The following DHRSX variants were observed in gnomAD, a reference collection of about 807,000 sequenced individuals.
The protein encoded by DHRSX is polyprenol dehydrogenase.
In DHRSX, 31 loss-of-function variants were observed where a neutral mutation model predicts 34.0. The ratio of observed to expected loss-of-function variants is 0.91; its 90% CI spans 0.69 to 1.23. DHRSX has a LOEUF of 1.23. Ranked by LOEUF, DHRSX falls within the 50% of genes most tolerant of loss-of-function variation. The pLI, the probability that DHRSX is intolerant of heterozygous loss-of-function variation, is 0.00. For missense variants in DHRSX, 414 were observed against 428.1 expected, an observed-to-expected ratio of 0.97 and a Z score of 0.29; for synonymous variants, 201 against 183.8, an observed-to-expected ratio of 1.09 and a Z score of -0.76.
intron 3 of DHRSX, among the ~76,000 whole-genome samples, chrX:2,398,923 G>T (rs992080826): frequency 6.6e-6 from 1 of 152,038 alleles, no homozygotes; most frequent in African/African-American, 2.4e-5. Context: ...CGCGATCTCG[G>T]CTCACTGCAA....
chrX:2,331,446 T>TGGG (rs1569490019), intron 3 of DHRSX, among the ~76,000 whole-genome samples: 5 of 68,750 alleles, frequency 7.3e-5, no homozygotes, highest in African/African-American at 4.4e-4. Context: ...GTTTTTTTTT[T>TGGG]TTTTTTTTTT....
rs144132829 is a variant in DHRSX at position 2,379,692 on chromosome X, C to A, written c.286+29053G>T. Among the ~76,000 whole-genome samples the A allele has an allele frequency of 2.3e-3, 344 of 147,604 alleles. 1 individual carries two copies. The highest frequency in any genetic ancestry group is 8.3e-3 in the African/African-American group (332 of 40,226). ...TCTATCCAGGAGAGCTCATGAAGGACCCTGTCAGTGTGGGGGGCATCCAAA... is the reference window on the plus strand; with the variant it reads ...TCTATCCAGGAGAGCTCATGAAGGAACCTGTCAGTGTGGGGGGCATCCAAA... On this transcript the variant is annotated intron_variant, in intron 3 of 6. Coordinates refer to ENST00000334651, the MANE Select transcript of DHRSX (RefSeq NM_145177.3).
intron 1 of DHRSX, among the ~76,000 whole-genome samples, chrX:2,477,560 G>T (rs1450142730): frequency 1.3e-5 from 2 of 152,180 alleles, no homozygotes; most frequent in African/African-American, 4.8e-5. Context: ...AGAAAGAAAG[G>T]TGCGGCCAGG....
At chrX:2,349,532 C>T (rs145162259) in intron 3 of DHRSX, among the ~76,000 whole-genome samples, 2,112 of 151,190 alleles carry the variant, frequency 0.014, 20 homozygotes, top group Middle Eastern at 0.027. Flanking sequence ...CTAAGAAGTA[C>T]AAAAATTAGC....
intron 1 of DHRSX, among the ~76,000 whole-genome samples, chrX:2,494,355 A>T (rs1421559301): frequency 6.6e-6 from 1 of 151,980 alleles, no homozygotes; most frequent in African/African-American, 2.4e-5. Context: ...TTAGGCTGAA[A>T]GAGGTTCTAG....
At chrX:2,224,980 ACT>A (rs1371090882) in intron 6 of DHRSX, among the ~76,000 whole-genome samples, 6 of 149,540 alleles carry the variant, frequency 4.0e-5, no homozygotes, top group African/African-American at 1.2e-4. Context: ...TCACATGCAC[ACT>A]AATTCACATG....
intron 5 of DHRSX, 49 bp downstream of exon 5, chrX:2,266,691 C>T (rs766008754): frequency 2.5e-6 from 4 of 1,581,580 alleles, no homozygotes; most frequent in African/African-American, 1.3e-5. Flanking sequence ...GATGAATAAC[C>T]TTTAACCCAC....
chrX:2,398,793 C>T (rs1008541063), intron 3 of DHRSX, among the ~76,000 whole-genome samples: 1 of 151,792 alleles, frequency 6.6e-6, no homozygotes, highest in African/African-American at 2.4e-5. Context: ...CATCAGCCTC[C>T]TGAGTAGCTG....
chrX:2,319,282 C>T lies in DHRSX; in HGVS notation c.287-27679G>A, dbSNP rs184836595. On this transcript the variant is annotated intron_variant, in intron 3 of 6. Transcript: ENST00000334651. ...TACTCCTGCAGAGTGCAGTGACTCACGCCTATAATCCCAGCAGTTTGGGAG... is the reference window on the plus strand; with the variant it reads ...TACTCCTGCAGAGTGCAGTGACTCATGCCTATAATCCCAGCAGTTTGGGAG... Among the ~76,000 whole-genome samples the T allele has an allele frequency of 8.5e-4, 126 of 148,948 alleles. No homozygotes were observed. In the East Asian group the frequency reaches 0.016, roughly 19 times the overall value.
chrX:2,310,625 AAC>A (rs1055661399), intron 3 of DHRSX, among the ~76,000 whole-genome samples: 2 of 151,810 alleles, frequency 1.3e-5, no homozygotes, highest in Admixed American at 6.6e-5. Flanking sequence ...AAAAGAACAA[AAC>A]ACAGAGAAAG....
chrX:2,343,722 T>G (rs964747576), intron 3 of DHRSX, among the ~76,000 whole-genome samples: 11 of 152,252 alleles, frequency 7.2e-5, no homozygotes, highest in Admixed American at 2.0e-4. Flanking sequence ...AGACTTTTTT[T>G]TGTCCACATC....
At position 2,324,046 on chromosome X, in the gene DHRSX, G is replaced by A. The variant is rs762879183; in HGVS notation, c.287-32443C>T. On this transcript the variant is annotated intron_variant, in intron 3 of 6. Transcript: ENST00000334651. Reference sequence around the variant, plus strand: ...CACTCCAGCCTGGGTAACAGATGGAGACCCTGTCTGGAAAAAAAAAAAAAA... The same window carrying A: ...CACTCCAGCCTGGGTAACAGATGGAAACCCTGTCTGGAAAAAAAAAAAAAA... Among the ~76,000 whole-genome samples, 8 of 124,176 alleles carry A rather than the reference G, an allele frequency of 6.4e-5. No homozygotes were observed. In the South Asian group the frequency reaches 2.0e-3, roughly 31 times the overall value. 81.5% of individuals were successfully genotyped at this position (124,176 alleles called of 152,430 possible).
intron 1 of DHRSX, among the ~76,000 whole-genome samples, chrX:2,446,017 T>A (rs2044128611): frequency 1.3e-5 from 2 of 149,144 alleles, no homozygotes; most frequent in Non-Finnish European, 3.0e-5. Flanking sequence ...GGACCGCTGC[T>A]GTGTATTCAC....
At chrX:2,276,654 C>CAG (rs201583452) in intron 4 of DHRSX, among the ~76,000 whole-genome samples, 4,131 of 151,440 alleles carry the variant, frequency 0.027, 185 homozygotes, top group African/African-American at 0.094. Context: ...GTATCCTGAA[C>CAG]GGGAGGAGAA....
intron 3 of DHRSX, among the ~76,000 whole-genome samples, chrX:2,367,470 C>G (rs1212302797): frequency 6.7e-6 from 1 of 148,652 alleles, no homozygotes; most frequent in South Asian, 2.1e-4. Context: ...AAAAAAAGAA[C>G]GATGCTACAT....
intron 3 of DHRSX, among the ~76,000 whole-genome samples, chrX:2,319,239 C>T (rs2042277945): frequency 7.3e-6 from 1 of 137,758 alleles, no homozygotes; most frequent in Non-Finnish European, 1.6e-5. Flanking sequence ...TCTCCTCCTC[C>T]CCTCCCCCTC....
At chrX:2,294,816 G>C (rs2041913015) in intron 3 of DHRSX, among the ~76,000 whole-genome samples, 1 of 151,326 alleles carries the variant, frequency 6.6e-6, no homozygotes, top group African/African-American at 2.4e-5. Flanking sequence ...AGGAAAAAGA[G>C]AGGGAGAGAG....
chrX:2,291,678 G>A lies in DHRSX; in HGVS notation c.287-75C>T, dbSNP rs1289196165. 7 of 1,100,944 alleles carry A rather than the reference G, an allele frequency of 6.4e-6. No individual in the cohort carries two copies. In the African/African-American group the frequency reaches 1.1e-4, roughly 17 times the overall value. 68.2% of individuals were successfully genotyped at this position (1,100,944 alleles called of 1,614,324 possible). ...CAGAGATTAAGAAAATTTCTAAACA[G>A]GTCAAACTCAATTTCATCTAGGAAG... On this transcript the variant is annotated intron_variant, in intron 3 of 6. Transcript: ENST00000334651.
chrX:2,455,132 G>A lies in DHRSX; in HGVS notation c.110-29828C>T, dbSNP rs935411469. Among the ~76,000 whole-genome samples the A allele has an allele frequency of 5.6e-4, 85 of 150,686 alleles. 1 individual carries two copies. The highest frequency in any genetic ancestry group is 2.0e-3 in the African/African-American group (80 of 40,808). On this transcript the variant is annotated intron_variant, in intron 1 of 6. Transcript: ENST00000334651. Reference sequence around the variant, plus strand: ...CATCTCAAAAAAAAAAAAACGGGATGATGTCCTTTGCAGGAACCTGCATGG... The same window carrying A: ...CATCTCAAAAAAAAAAAAACGGGATAATGTCCTTTGCAGGAACCTGCATGG...
Sources: allele counts gnomAD v4.1 joint callset (sites outside exome capture counted in the v4.1 genomes callset), GRCh38; gene constraint gnomAD v4.1.1; transcripts MANE v1.5; gene names NCBI Gene and HGNC (gene_info 2026-07-23, HGNC 2026-07-21).